The following PDE8A variants were observed in gnomAD, a reference collection of about 807,000 sequenced individuals.
PDE8A encodes the protein high affinity cAMP-specific and IBMX-insensitive 3',5'-cyclic phosphodiesterase 8A.
Under a neutral mutation model 105.0 loss-of-function variants are expected in PDE8A, and 59 were observed. That is an observed-to-expected ratio of 0.56 (90% confidence interval 0.46 to 0.70). PDE8A has a LOEUF of 0.70. PDE8A is among the 30% of genes least tolerant of loss of function. The probability of loss-of-function intolerance (pLI) is 0.00; values close to 1 mark genes in which losing one functional copy is unlikely to be tolerated. For missense variants in PDE8A, 1,014 were observed against 1,045.9 expected (o/e 0.97, Z 0.42); for synonymous variants, 355 against 371.9 (o/e 0.95, Z 0.52).
chr15:85,012,081 C>T (rs1274558610), intron 1 of PDE8A, among the ~76,000 whole-genome samples: 3 of 152,168 alleles, frequency 2.0e-5, no homozygotes, highest in Non-Finnish European at 4.4e-5. Context: ...GAAATAGGAA[C>T]ACTTTTACAC....
intron 2 of PDE8A, among the ~76,000 whole-genome samples, chr15:85,065,080 G>T (rs1008982035): frequency 6.6e-6 from 1 of 152,074 alleles, no homozygotes. Flanking sequence ...AGCAAAGGTG[G>T]CAAAATGTTA....
chr15:85,039,086 A>G (rs985913432), intron 1 of PDE8A, among the ~76,000 whole-genome samples: 11 of 150,566 alleles, frequency 7.3e-5, no homozygotes, highest in African/African-American at 2.5e-4. Flanking sequence ...GTGCCATTGC[A>G]CTCCAGCCTT....
At chr15:85,055,274 A>G (rs1016075359) in intron 1 of PDE8A, among the ~76,000 whole-genome samples, 4 of 152,154 alleles carry the variant, frequency 2.6e-5, no homozygotes, top group Non-Finnish European at 4.4e-5. Context: ...TGGTGAGAAG[A>G]ATGTATATTT....
At chr15:85,008,699 A>G (rs902141758) in intron 1 of PDE8A, among the ~76,000 whole-genome samples, 20 of 152,232 alleles carry the variant, frequency 1.3e-4, no homozygotes, top group Middle Eastern at 3.4e-3. Context: ...GTGCGAGCCT[A>G]TCACCTGATA....
At position 85,030,355 on chromosome 15, in the gene PDE8A, C is replaced by G. The variant is rs184683427; in HGVS notation, c.187-34015C>G. Among the ~76,000 whole-genome samples, 154 of 152,070 alleles carry G rather than the reference C, an allele frequency of 1.0e-3. 1 individual carries two copies. The highest frequency in any genetic ancestry group is 3.5e-4 in the Non-Finnish European group (24 of 67,984). On this transcript the variant is annotated intron_variant, in intron 1 of 21. Transcript: ENST00000394553. Reference sequence around the variant, plus strand: ...TTTGGTATGATCTCCTAGCCACAGCCTCTTTGTCTCCCAGCCACAGTCACT... The same window carrying G: ...TTTGGTATGATCTCCTAGCCACAGCGTCTTTGTCTCCCAGCCACAGTCACT...
rs1302939066 is a variant in PDE8A at position 85,127,534 on chromosome 15, A to C, written c.2253+1160A>C. Among the ~76,000 whole-genome samples the C allele has an allele frequency of 2.0e-5, 3 of 152,246 alleles. No homozygotes were observed. The East Asian group carries it at 5.8e-4, about 29-fold the overall frequency. ...GTATTTTATGTACTAGCAACCAACA[A>C]TTGGAAAATGAAACCAAAAGCCCAG... On this transcript the variant is annotated intron_variant, in intron 20 of 21. Transcript: ENST00000394553.
intron 1 of PDE8A, among the ~76,000 whole-genome samples, chr15:85,023,768 A>G (rs1037456243): frequency 6.6e-6 from 1 of 152,136 alleles, no homozygotes; most frequent in African/African-American, 2.4e-5. Flanking sequence ...TTATGTGGAC[A>G]TTGACACCAC....
chr15:85,085,837 G>A (rs1391963864), intron 6 of PDE8A, among the ~76,000 whole-genome samples: 5 of 151,750 alleles, frequency 3.3e-5, no homozygotes, highest in Non-Finnish European at 7.4e-5. Flanking sequence ...ATGAAACCCC[G>A]TCTCTACTAA....
chr15:85,123,335 GATAC>G (rs2082210688), intron 19 of PDE8A, 142 bp downstream of exon 19: 1 of 480,268 alleles, frequency 2.1e-6, no homozygotes, highest in Non-Finnish European at 3.7e-6. Context: ...GAACTAATGG[GATAC>G]ACACACACAC....
At chr15:84,989,438 C>G (rs1049404553) in intron 1 of PDE8A, among the ~76,000 whole-genome samples, 9 of 152,324 alleles carry the variant, frequency 5.9e-5, no homozygotes, top group Admixed American at 4.6e-4. Context: ...TCTTACTCTG[C>G]TTATAGGATA....
intron 12 of PDE8A, among the ~76,000 whole-genome samples, chr15:85,111,422 C>T (rs1355245680): frequency 1.3e-5 from 2 of 152,154 alleles, no homozygotes; most frequent in East Asian, 1.9e-4. Context: ...AGGATGACTG[C>T]CCCTGACCCT....
chr15:85,058,079 G>T (rs978119978), intron 1 of PDE8A, among the ~76,000 whole-genome samples: 2 of 152,076 alleles, frequency 1.3e-5, no homozygotes, highest in African/African-American at 4.8e-5. Context: ...GAATGCAGTG[G>T]CATGATTGTT....
At chr15:85,058,723 T>C in intron 1 of PDE8A, among the ~76,000 whole-genome samples, 1 of 152,220 alleles carries the variant, frequency 6.6e-6, no homozygotes, top group East Asian at 1.9e-4. Context: ...GAATCCTTTT[T>C]ATTGCTGTAG....
At chr15:85,049,965 T>G (rs571660417) in intron 1 of PDE8A, among the ~76,000 whole-genome samples, 1 of 152,332 alleles carries the variant, frequency 6.6e-6, no homozygotes, top group Non-Finnish European at 1.5e-5. Flanking sequence ...GCACAGAGGT[T>G]CCAGTTTTTC....
chr15:85,066,485 A>G (rs1221511594), intron 2 of PDE8A, among the ~76,000 whole-genome samples: 1 of 151,816 alleles, frequency 6.6e-6, no homozygotes, highest in African/African-American at 2.4e-5. Context: ...GAACACTGGA[A>G]CCCTGGAGGT....
At chr15:85,117,595 G>C in intron 16 of PDE8A, 46 bp from the exon 17 acceptor site, 1 of 1,539,862 alleles carries the variant, frequency 6.5e-7, no homozygotes, top group Middle Eastern at 1.7e-4. Flanking sequence ...CACTTGGCCT[G>C]TTTGTTTGCT....
chr15:85,076,085 A>T (rs1567268141), intron 4 of PDE8A, among the ~76,000 whole-genome samples, 167 bp downstream of exon 4: 1 of 152,044 alleles, frequency 6.6e-6, no homozygotes, highest in Non-Finnish European at 1.5e-5. Flanking sequence ...AACTTCCTGG[A>T]AGGACTTTGT....
At chr15:85,098,970 A>T (rs187853135) in intron 9 of PDE8A, among the ~76,000 whole-genome samples, 1 of 152,332 alleles carries the variant, frequency 6.6e-6, no homozygotes, top group African/African-American at 2.4e-5. Context: ...AGGAAAAAAA[A>T]AAATAAAATA....
At chr15:85,084,497 A>C (rs1298175869) in intron 6 of PDE8A, among the ~76,000 whole-genome samples, 1 of 152,306 alleles carries the variant, frequency 6.6e-6, no homozygotes, top group East Asian at 1.9e-4. Context: ...CTTAAGGTAG[A>C]TGGTTGCCCT....
Sources: allele counts gnomAD v4.1 joint callset (sites outside exome capture counted in the v4.1 genomes callset), GRCh38; gene constraint gnomAD v4.1.1; transcripts MANE v1.5; gene names NCBI Gene and HGNC (gene_info 2026-07-23, HGNC 2026-07-21).